Variants in SKIC3 observed in about 807,000 individuals in gnomAD.
The protein encoded by SKIC3 is SKI3 subunit of superkiller complex, also known as superkiller complex protein 3.
chr5:95,494,690 A>C, the SKIC3 span: 3 of 1,613,634 alleles, frequency 1.9e-6, no homozygotes, highest in South Asian at 3.3e-5. Flanking sequence ...ACCTGGAGAA[A>C]GGAGAGCTGC....
At chr5:95,495,188 CTA>C in the SKIC3 span, 1 of 624,518 alleles carries the variant, frequency 1.6e-6, no homozygotes, top group Admixed American at 3.0e-5. Flanking sequence ...TTTGAAAAGA[CTA>C]ATAATCTTGT....
chr5:95,468,876 G>A, the SKIC3 span, among the ~76,000 whole-genome samples: 1 of 152,182 alleles, frequency 6.6e-6, no homozygotes, highest in Non-Finnish European at 1.5e-5. Context: ...ATGAGCAGAA[G>A]TAGTTCATTA....
the SKIC3 span, among the ~76,000 whole-genome samples, chr5:95,470,772 C>T: frequency 7.2e-6 from 1 of 138,338 alleles, no homozygotes; most frequent in Non-Finnish European, 1.5e-5. Context: ...ACTTGGGTTA[C>T]AAGCTTTATT....
At chr5:95,518,374 C>T in the SKIC3 span, among the ~76,000 whole-genome samples, 1 of 152,022 alleles carries the variant, frequency 6.6e-6, no homozygotes, top group Admixed American at 6.6e-5. Context: ...CTACAGTCAT[C>T]CTACAATGCT....
the SKIC3 span, chr5:95,523,063 C>T: frequency 8.4e-7 from 1 of 1,193,996 alleles, no homozygotes; most frequent in African/African-American, 1.5e-5. Context: ...GCCCTGCAAA[C>T]AATAAACACC....
At chr5:95,499,302 C>A in the SKIC3 span, among the ~76,000 whole-genome samples, 1 of 152,138 alleles carries the variant, frequency 6.6e-6, no homozygotes, top group African/African-American at 2.4e-5. Flanking sequence ...ATAGTGAATT[C>A]TCACGTGATC....
chr5:95,535,781 CA>C, the SKIC3 span, among the ~76,000 whole-genome samples: 66 of 152,100 alleles, frequency 4.3e-4, no homozygotes, highest in African/African-American at 1.5e-3. Context: ...TTCACTATGA[CA>C]CATGTGAGGG....
At chr5:95,492,652 G>GAAGAA in the SKIC3 span, among the ~76,000 whole-genome samples, 8 of 48,836 alleles carry the variant, frequency 1.6e-4, no homozygotes, top group African/African-American at 1.1e-3. Context: ...AAAAAAAAAA[G>GAAGAA]AAAAAAAAAA....
the SKIC3 span, chr5:95,525,283 C>T: frequency 1.0e-6 from 1 of 999,358 alleles, no homozygotes; most frequent in South Asian, 1.4e-5. Flanking sequence ...TTAAAGCCTA[C>T]AAAGATCAAA....
the SKIC3 span, among the ~76,000 whole-genome samples, chr5:95,465,861 T>A: frequency 6.6e-6 from 1 of 152,322 alleles, no homozygotes; most frequent in East Asian, 1.9e-4. Context: ...TATACGAATA[T>A]CTTTGAAAAG....
the SKIC3 span, among the ~76,000 whole-genome samples, chr5:95,482,924 G>A: frequency 6.6e-6 from 1 of 152,072 alleles, no homozygotes; most frequent in Non-Finnish European, 1.5e-5. Context: ...GGTTCTAAAT[G>A]TAAGTAAATA....
the SKIC3 span, among the ~76,000 whole-genome samples, chr5:95,539,094 G>C: frequency 3.9e-5 from 6 of 152,154 alleles, no homozygotes; most frequent in Admixed American, 2.6e-4. Flanking sequence ...ATCTAGAAGA[G>C]CCTCTGTGAA....
the SKIC3 span, chr5:95,523,246 T>C: frequency 6.2e-7 from 1 of 1,613,940 alleles, no homozygotes. Context: ...AATAGTATAG[T>C]CCTCGCCTAA....
the SKIC3 span, among the ~76,000 whole-genome samples, chr5:95,511,711 A>C: frequency 3.3e-5 from 5 of 152,294 alleles, no homozygotes; most frequent in Middle Eastern, 3.4e-3. Flanking sequence ...TCAAAAGTTA[A>C]TGAAACTAAC....
At chr5:95,477,898 A>G in the SKIC3 span, among the ~76,000 whole-genome samples, 1 of 152,220 alleles carries the variant, frequency 6.6e-6, no homozygotes, top group Non-Finnish European at 1.5e-5. Context: ...TTGTTAGGTC[A>G]TAAGTTACTA....
the SKIC3 span, among the ~76,000 whole-genome samples, chr5:95,502,718 T>G: frequency 6.6e-6 from 1 of 152,180 alleles, no homozygotes; most frequent in African/African-American, 2.4e-5. Context: ...TAAATCACAA[T>G]CTGTAGCTCC....
chr5:95,467,776 GAACAAT>G, the SKIC3 span: 1 of 1,542,632 alleles, frequency 6.5e-7, no homozygotes, highest in Non-Finnish European at 8.8e-7. Context: ...AAGTAACTTT[GAACAAT>G]AACTCTAAAA....
At chr5:95,494,463 C>A in the SKIC3 span, among the ~76,000 whole-genome samples, 2 of 152,018 alleles carry the variant, frequency 1.3e-5, no homozygotes, top group African/African-American at 4.8e-5. Flanking sequence ...TTAAAAAGTC[C>A]TTTCTGATAG....
chr5:95,499,051 A>G, the SKIC3 span, among the ~76,000 whole-genome samples: 1 of 152,240 alleles, frequency 6.6e-6, no homozygotes, highest in Admixed American at 6.5e-5. Flanking sequence ...CTTGGTGGTT[A>G]AGAGATAGCA....
Sources: gnomAD v4.1 joint callset for allele counts (sites outside exome capture counted in the v4.1 genomes callset) on GRCh38, gnomAD v4.1.1 for gene constraint, MANE v1.5 for transcripts, NCBI Gene and HGNC (gene_info 2026-07-23, HGNC 2026-07-21) for gene names.